KCNA7: variants seen among roughly 807,000 people sequenced by gnomAD.
The protein encoded by KCNA7 is potassium channel, voltage gated shaker related subfamily A, member 7.
KCNA7 carries 15 observed loss-of-function variants against 21.5 expected under a neutral mutation model. That is an observed-to-expected ratio of 0.70 (90% CI 0.47 to 1.07). KCNA7 has a LOEUF of 1.07. KCNA7 is among the 50% of genes least tolerant of loss of function. KCNA7 has a pLI of 0.00. For synonymous variants in KCNA7, 298 were observed against 291.0 expected (o/e 1.02, Z -0.24); for missense variants, 640 against 651.6 (o/e 0.98, Z 0.19).
Position 49,072,232 on chromosome 19 carries a change from GC to G in KCNA7, c.353del (p.Arg118ProfsTer30). 1 of 1,595,236 alleles carries G rather than the reference GC, an allele frequency of 6.3e-7. No homozygotes were observed. The highest frequency in any genetic ancestry group is 8.5e-7 in the Non-Finnish European group (1 of 1,171,362). Reference protein sequence around the residue: ...EDEGCPVPPERPLPRRAFARQ... With the variant: ...EDEGCPVPPEXPLPRRAFARQ... ...GGGCGAAGGCGCGGCGGGGCAGGGG[GC>G]GCTCGGGCGGCACCGGGCAGCCCTC... On this transcript the variant is annotated frameshift_variant, in exon 1 of 2. Transcript: ENST00000221444. LOFTEE classifies it high-confidence loss of function.
At chr19:49,072,005 G>T (rs376468263) in intron 1 of KCNA7, 26 bp downstream of exon 1, 157 of 1,379,940 alleles carry the variant, frequency 1.1e-4, no homozygotes, top group Non-Finnish European at 1.4e-4. Context: ...AACCCCGCCC[G>T]TCTCCACCCA....
In KCNA7 at chr19:49,072,214, G is replaced by T. The variant is rs761552835; in HGVS notation, c.372C>A (p.Ala124=). ...AAAGCAGCCACAGCTGGCGGGCGAA[G>T]GCGCGGCGGGGCAGGGGGCGCTCGG... ...VPPERPLPRR[A]FARQLWLLFE... Residue 124 remains alanine, a synonymous_variant, in exon 1 of 2, where the codon GCC becomes GCA. Transcript: ENST00000221444. 6.2e-7 allele frequency: 1 copy of T among 1,608,284 alleles called. No homozygotes were observed. The highest frequency in any genetic ancestry group is 8.5e-7 in the Non-Finnish European group (1 of 1,178,004).
Position 49,070,962 on chromosome 19 carries a change from C to A in KCNA7, c.556-84G>T. The A allele has an allele frequency of 8.5e-7, 1 of 1,173,324 alleles. No individual in the cohort carries two copies. The highest frequency in any genetic ancestry group is 1.2e-6 in the Non-Finnish European group (1 of 840,940). The allele number at this position is 1,173,324 out of a possible 1,614,324, so 72.7% of individuals were successfully genotyped here. A position where few individuals can be genotyped will look rare whatever the true frequency, so the allele number is the denominator to read the frequency against. ...TTAATCATCATTTAAATACCCAGCT[C>A]CTCTTTACACATTGGTCAGTAGCCG... On this transcript the variant is annotated intron_variant, in intron 1 of 1. Transcript: ENST00000221444. The surrounding 1 kb of genome is among the most constrained non-coding windows in gnomAD (Gnocchi z 4.3).
At position 49,072,425 on chromosome 19, in the gene KCNA7, C is replaced by T. The variant is rs1234206060; in HGVS notation, c.161G>A (p.Arg54His). 1.9e-6 allele frequency: 3 copies of T among 1,577,896 alleles called. No homozygotes were observed. The highest frequency in any genetic ancestry group is 3.5e-5 in the Admixed American group (2 of 57,856). ...CCGGTGCCGGTCGAAGAAATACTCG[C>T]GGCGCGCGTCGTCGTAGAAGCGGCC... ...RRGRFYDDAR[R>H]EYFFDRHRPS... The change falls in exon 1 of 2, where the codon CGC becomes CAC. Residue 54 changes from arginine (R) to histidine (H), a missense_variant. By Grantham distance (29) the Arg-to-His change is conservative (BLOSUM62 0). Coordinates refer to ENST00000221444, the MANE Select transcript of KCNA7 (RefSeq NM_031886.3).
In KCNA7 at chr19:49,072,363, C is replaced by T. The variant is rs750846307; in HGVS notation, c.223G>A (p.Gly75Ser). Residue 75 changes from glycine (G) to serine (S), a missense_variant, in exon 1 of 2, where the codon GGT becomes AGT. Transcript: ENST00000221444. The stretch of plus-strand genomic sequence containing the variant: ...TGCGCCGGCCGCCGCAGCCGCCCAC[C>T]GGACTGGTAGTAGTAGAGCACGGCG... ...FDAVLYYYQS[G>S]GRLRRPAHVP... The T allele has an allele frequency of 2.5e-6, 4 of 1,594,938 alleles. No individual in the cohort carries two copies. Among genetic ancestry groups the T allele is most frequent in the East Asian group, 2.3e-5 (1 of 44,006 alleles).
intron 1 of KCNA7, among the ~76,000 whole-genome samples, chr19:49,071,134 T>C (rs770993729): frequency 6.6e-6 from 1 of 151,992 alleles, no homozygotes; most frequent in Non-Finnish European, 1.5e-5. Flanking sequence ...GGAACTCATG[T>C]TTGAGTAGGG....
Position 49,072,129 on chromosome 19 carries a change from T to G in KCNA7, c.457A>C (p.Ile153Leu). 1 of 1,612,398 alleles carries G rather than the reference T, an allele frequency of 6.2e-7. No individual in the cohort carries two copies. The highest frequency in any genetic ancestry group is 8.5e-7 in the Non-Finnish European group (1 of 1,179,690). ...RVLAVVSVLV[I>L]LVSIVVFCLE... ...CAGAAGACGACGATGGAGACGAGGA[T>G]GACCAGCACGGAGACTACGGCGAGC... The change falls in exon 1 of 2, where the codon ATC (isoleucine) becomes CTC (leucine). Residue 153 changes from isoleucine to leucine, a missense_variant. Physicochemically the swap from Ile to Leu is conservative, Grantham distance 5. Coordinates refer to ENST00000221444, the MANE Select transcript of KCNA7 (RefSeq NM_031886.3).
intron 1 of KCNA7, 91 bp downstream of exon 1, chr19:49,071,940 T>A (rs1437859677): frequency 2.2e-3 from 764 of 351,714 alleles, no homozygotes; most frequent in East Asian, 6.5e-3. Context: ...TCGCAGCCCC[T>A]GGCCCCGCCT....
chr19:49,072,005 G>A (rs376468263), intron 1 of KCNA7, 26 bp downstream of exon 1: 16 of 1,379,940 alleles, frequency 1.2e-5, no homozygotes, highest in South Asian at 6.0e-5. Context: ...AACCCCGCCC[G>A]TCTCCACCCA....
rs772973766 is a variant in KCNA7, at chr19:49,070,487, A to T, written c.947T>A (p.Ile316Asn). 6.2e-7 allele frequency: 1 copy of T among 1,614,148 alleles called. No individual in the cohort carries two copies. Among genetic ancestry groups the T allele is most frequent in the Non-Finnish European group, 8.5e-7 (1 of 1,180,006 alleles). Residue 316 changes from isoleucine (I) to asparagine (N), a missense_variant, in exon 2 of 2, where the codon ATC becomes AAC. By Grantham distance (149) the Ile-to-Asn change is moderately radical (BLOSUM62 -3). Coordinates refer to ENST00000221444, the MANE Select transcript of KCNA7 (RefSeq NM_031886.3). This position sits in a 1 kb window ranked among gnomAD's most constrained non-coding sequence, Gnocchi z 4.3. Reference protein sequence around the residue: ...RASMRELGLLIFFLFIGVVLF... With the variant: ...RASMRELGLLNFFLFIGVVLF... ...GACCACACCGATGAAGAGGAAAAAG[A>T]TGAGGAGGCCCAGCTCACGCATGGA...
Position 49,072,576 on chromosome 19 carries a change from G to T in KCNA7, c.10C>A (p.Arg4=), listed in dbSNP as rs2040268426. 2 of 1,303,470 alleles carry T rather than the reference G, an allele frequency of 1.5e-6. No homozygotes were observed. Among genetic ancestry groups the T allele is most frequent in the Non-Finnish European group, 1.9e-6 (2 of 1,032,382 alleles). The allele number at this position is 1,303,470 out of a possible 1,614,324, so 80.7% of individuals were successfully genotyped here. The change falls in exon 1 of 2, where the codon CGG becomes AGG. Residue 4 remains arginine, a synonymous_variant. Transcript: ENST00000221444. ...CAGCAGCCGCACGGCGGCGGGCACC[G>T]CGGCTCCATGGCGCGCGCAGCCCCG... MEP[R]CPPPCGCCER...
At position 49,070,113 on chromosome 19, in the gene KCNA7, G is replaced by T. The variant is rs1266974170; in HGVS notation, c.1321C>A (p.Pro441Thr). 1 of 1,613,084 alleles carries T rather than the reference G, an allele frequency of 6.2e-7. No homozygotes were observed. ...CCTGGGGGTGCCCAGAGTGGAGGTGGTAGCTCAGGTACCTCCCCGTCCACC... is the reference window on the plus strand; with the variant it reads ...CCTGGGGGTGCCCAGAGTGGAGGTGTTAGCTCAGGTACCTCCCCGTCCACC... ...GLVDGEVPEL[P>T]PPLWAPPGKH... is the part of the protein sequence containing the mutation. Residue 441 changes from proline (P) to threonine (T), a missense_variant, in exon 2 of 2, where the codon CCA (proline) becomes ACA (threonine). Transcript: ENST00000221444. The surrounding 1 kb of genome is among the most constrained non-coding windows in gnomAD (Gnocchi z 4.3).
chr19:49,072,160 C>T lies in KCNA7; in HGVS notation c.426G>A (p.Ala142=), dbSNP rs1485403390. The T allele has an allele frequency of 3.1e-6, 5 of 1,612,082 alleles. No homozygotes were observed. In the South Asian group the frequency reaches 4.4e-5, roughly 14 times the overall value. ...GCACGGAGACTACGGCGAGCACGCG[C>T]GCGGCCTGAGAGCTCTCGGGAAACT... ...LFEFPESSQA[A]RVLAVVSVLV... is the part of the protein sequence containing the mutation. Residue 142 remains alanine (A), a synonymous_variant, in exon 1 of 2, where the codon GCG becomes GCA. Coordinates refer to ENST00000221444, the MANE Select transcript of KCNA7 (RefSeq NM_031886.3).
rs1031891117 is a variant in KCNA7 at position 49,070,962 on chromosome 19, C to G, written c.556-84G>C. 2 of 1,173,206 alleles carry G rather than the reference C, an allele frequency of 1.7e-6. No individual in the cohort carries two copies. Among genetic ancestry groups the G allele is most frequent in the Admixed American group, 2.5e-5 (1 of 39,692 alleles). The allele number at this position is 1,173,206 out of a possible 1,614,324, so 72.7% of individuals were successfully genotyped here. The stretch of plus-strand genomic sequence containing the variant: ...TTAATCATCATTTAAATACCCAGCT[C>G]CTCTTTACACATTGGTCAGTAGCCG... On this transcript the variant is annotated intron_variant, in intron 1 of 1. Transcript: ENST00000221444. This position sits in a 1 kb window ranked among gnomAD's most constrained non-coding sequence, Gnocchi z 4.3.
At position 49,070,658 on chromosome 19, in the gene KCNA7, G is replaced by C. The variant is rs1227775067; in HGVS notation, c.776C>G (p.Thr259Ser). ...AILPYFVALG[T>S]ELARQRGVGQ... Reference sequence around the variant, plus strand: ...CACCCCTCGCTGCCGGGCCAGCTCGGTGCCCAGTGCCACAAAGTAGGGAAG... The same window carrying C: ...CACCCCTCGCTGCCGGGCCAGCTCGCTGCCCAGTGCCACAAAGTAGGGAAG... The change falls in exon 2 of 2, where the codon ACC (threonine) becomes AGC (serine). Residue 259 changes from threonine to serine, a missense_variant. By Grantham distance (58) the Thr-to-Ser change is moderately conservative. Coordinates refer to ENST00000221444, the MANE Select transcript of KCNA7 (RefSeq NM_031886.3). The surrounding 1 kb of genome is among the most constrained non-coding windows in gnomAD (Gnocchi z 4.3). 4 of 1,614,058 alleles carry C rather than the reference G, an allele frequency of 2.5e-6. No homozygotes were observed. The East Asian group carries it at 8.9e-5, about 36-fold the overall frequency.
Position 49,069,708 on chromosome 19 carries a change from C to T in KCNA7, c.*355G>A, listed in dbSNP as rs2040242506. On this transcript the variant is annotated 3_prime_UTR_variant, in exon 2 of 2. Coordinates refer to ENST00000221444, the MANE Select transcript of KCNA7 (RefSeq NM_031886.3). ...GCTGGACCACACTATCCCAGACTCACAACCCAACCAAACCCAACACTGACC... is the reference window on the plus strand; with the variant it reads ...GCTGGACCACACTATCCCAGACTCATAACCCAACCAAACCCAACACTGACC... 1 of 248,366 alleles carries T rather than the reference C, an allele frequency of 4.0e-6. No individual in the cohort carries two copies. Among genetic ancestry groups the T allele is most frequent in the African/African-American group, 2.2e-5 (1 of 44,564 alleles). The allele number at this position is 248,366 out of a possible 1,614,324, so 15.4% of individuals were successfully genotyped here. A position where few individuals can be genotyped will look rare whatever the true frequency, so the allele number is the denominator to read the frequency against.
At position 49,072,582 on chromosome 19, in the gene KCNA7, C is replaced by G; in HGVS notation, c.4G>C (p.Glu2Gln). The G allele has an allele frequency of 3.9e-6, 5 of 1,273,734 alleles. No individual in the cohort carries two copies. Among genetic ancestry groups the G allele is most frequent in the Non-Finnish European group, 4.9e-6 (5 of 1,015,576 alleles). The allele number at this position is 1,273,734 out of a possible 1,614,324, so 78.9% of individuals were successfully genotyped here. Residue 2 changes from glutamate (E) to glutamine (Q), a missense_variant, in exon 1 of 2, where the codon GAG becomes CAG. Coordinates refer to ENST00000221444, the MANE Select transcript of KCNA7 (RefSeq NM_031886.3). M[E>Q]PRCPPPCGCC... is the part of the protein sequence containing the mutation. ...CCGCACGGCGGCGGGCACCGCGGCT[C>G]CATGGCGCGCGCAGCCCCGGCGACC... is the stretch of plus-strand genomic sequence containing the variant.
chr19:49,070,673 A>G lies in KCNA7; in HGVS notation c.761T>C (p.Phe254Ser), dbSNP rs2040251155. ...LIDFVAILPYFVALGTELARQ... is the reference protein window; with the variant it reads ...LIDFVAILPYSVALGTELARQ... Reference sequence around the variant, plus strand: ...GGCCAGCTCGGTGCCCAGTGCCACAAAGTAGGGAAGGATAGCCACAAAATC... The same window carrying G: ...GGCCAGCTCGGTGCCCAGTGCCACAGAGTAGGGAAGGATAGCCACAAAATC... Residue 254 changes from phenylalanine to serine, a missense_variant, in exon 2 of 2, where the codon TTT becomes TCT. Coordinates refer to ENST00000221444, the MANE Select transcript of KCNA7 (RefSeq NM_031886.3). This position sits in a 1 kb window ranked among gnomAD's most constrained non-coding sequence, Gnocchi z 4.3. 4.3e-6 allele frequency: 7 copies of G among 1,614,190 alleles called. No individual in the cohort carries two copies. The highest frequency in any genetic ancestry group is 5.1e-6 in the Non-Finnish European group (6 of 1,180,036).
In KCNA7 at chr19:49,072,336, C is replaced by G; in HGVS notation, c.250G>C (p.Val84Leu). 1.3e-6 allele frequency: 2 copies of G among 1,591,862 alleles called. No individual in the cohort carries two copies. Among genetic ancestry groups the G allele is most frequent in the Non-Finnish European group, 1.7e-6 (2 of 1,173,846 alleles). The change falls in exon 1 of 2, where the codon GTG becomes CTG. Residue 84 changes from valine to leucine, a missense_variant. Coordinates refer to ENST00000221444, the MANE Select transcript of KCNA7 (RefSeq NM_031886.3). ...TCTTCCAGGAAGACGTCGAGCGGCACGTGCGCCGGCCGCCGCAGCCGCCCA... is the reference window on the plus strand; with the variant it reads ...TCTTCCAGGAAGACGTCGAGCGGCAGGTGCGCCGGCCGCCGCAGCCGCCCA... ...SGGRLRRPAH[V>L]PLDVFLEEVA...
Sources: allele counts gnomAD v4.1 joint callset (sites outside exome capture counted in the v4.1 genomes callset), GRCh38; gene constraint gnomAD v4.1.1; non-coding constraint Gnocchi (gnomAD v3.1); transcripts MANE v1.5; gene names NCBI Gene and HGNC (gene_info 2026-07-23, HGNC 2026-07-21).